Variants in PXDNL observed in about 807,000 individuals in gnomAD.
PXDNL encodes probable oxidoreductase PXDNL.
Under a neutral mutation model 150.8 loss-of-function variants are expected in PXDNL, and 145 were observed. The observed-to-expected ratio is 0.96, with a 90% confidence interval of 0.84 to 1.10. The LOEUF is 1.10. Ranked by LOEUF, PXDNL falls within the 50% of genes least tolerant of loss-of-function variation. PXDNL has a pLI of 0.00. For missense variants in PXDNL, 2,087 were observed against 1,873.9 expected (o/e 1.11, Z -2.10); for synonymous variants, 757 against 725.7 (o/e 1.04, Z -0.69).
intron 1 of PXDNL, among the ~76,000 whole-genome samples, chr8:51,789,982 C>T (rs58561048): frequency 0.12 from 17,828 of 151,880 alleles, 1,283 homozygotes; most frequent in East Asian, 0.17. Context: ...AAGTTTAAGC[C>T]ATCAATCTAA....
intron 1 of PXDNL, among the ~76,000 whole-genome samples, chr8:51,806,667 T>C (rs1481728478): frequency 1.3e-5 from 2 of 152,218 alleles, no homozygotes; most frequent in Non-Finnish European, 2.9e-5. Flanking sequence ...GTTGGGCTTG[T>C]ATATTTTTGC....
chr8:51,467,911 A>G (rs1324964997), intron 8 of PXDNL, among the ~76,000 whole-genome samples: 1 of 152,042 alleles, frequency 6.6e-6, no homozygotes, highest in Non-Finnish European at 1.5e-5. Context: ...AATTATTCTA[A>G]AACTACTTAT....
rs1403394609 is a variant in PXDNL, at chr8:51,413,188, G to GTCAA, written c.1862_1865dup (p.Ser623Ter). On this transcript the variant is annotated stop_gained and frameshift_variant, in exon 15 of 23. Coordinates refer to ENST00000356297, the MANE Select transcript of PXDNL (RefSeq NM_144651.5). LOFTEE classifies it high-confidence loss of function. ...GTCTTCGTGTGGAGTTAATTGCACT[G>GTCAA]TCAACTCTCTGTACAGCATCAAGAA... 6.2e-7 allele frequency: 1 copy of GTCAA among 1,610,998 alleles called. No individual in the cohort carries two copies.
At chr8:51,453,920 T>C (rs1160352051) in intron 9 of PXDNL, 135 bp from the exon 10 acceptor site, 12 of 754,132 alleles carry the variant, frequency 1.6e-5, no homozygotes, top group East Asian at 5.5e-5. Context: ...TATATATATA[T>C]ACACATTTAA....
chr8:51,324,822 A>AT (rs1805434947), intron 21 of PXDNL, among the ~76,000 whole-genome samples: 1 of 152,000 alleles, frequency 6.6e-6, no homozygotes, highest in Admixed American at 6.6e-5. Flanking sequence ...ATTTTCATCC[A>AT]TTTTTCATTT....
intron 1 of PXDNL, among the ~76,000 whole-genome samples, chr8:51,675,293 C>T (rs1455344853): frequency 6.6e-6 from 1 of 152,090 alleles, no homozygotes; most frequent in Non-Finnish European, 1.5e-5. Context: ...AGATTAAGGC[C>T]CTTATAAAAG....
chr8:51,344,549 A>G (rs1381997247), intron 20 of PXDNL, among the ~76,000 whole-genome samples: 3 of 152,192 alleles, frequency 2.0e-5, no homozygotes, highest in South Asian at 2.1e-4. Context: ...AAGGGCCCCA[A>G]TAAGAATTAA....
intron 4 of PXDNL, among the ~76,000 whole-genome samples, chr8:51,549,148 G>A (rs1382269854): frequency 6.6e-6 from 1 of 152,082 alleles, no homozygotes; most frequent in Non-Finnish European, 1.5e-5. Flanking sequence ...AAATACATAT[G>A]CACATAACAC....
At chr8:51,705,727 C>G (rs1816361679) in intron 1 of PXDNL, among the ~76,000 whole-genome samples, 1 of 151,994 alleles carries the variant, frequency 6.6e-6, no homozygotes, top group Non-Finnish European at 1.5e-5. Flanking sequence ...AATTGATTTC[C>G]TTCTTTAATG....
rs565568800 is a variant in PXDNL at position 51,665,278 on chromosome 8, A to G, written c.165-10518T>C. Among the ~76,000 whole-genome samples, 74 of 152,144 alleles carry G rather than the reference A, an allele frequency of 4.9e-4. 1 individual carries two copies. Among genetic ancestry groups the G allele is most frequent in the Admixed American group, 3.5e-3 (53 of 15,282 alleles). On this transcript the variant is annotated intron_variant, in intron 1 of 22. Transcript: ENST00000356297. ...GAACCCGCGGTGGGTCTCCCTGGACACCCCTGAGCCTGGCAGCTTGGACAG... is the reference window on the plus strand; with the variant it reads ...GAACCCGCGGTGGGTCTCCCTGGACGCCCCTGAGCCTGGCAGCTTGGACAG...
intron 17 of PXDNL, among the ~76,000 whole-genome samples, chr8:51,396,303 A>G (rs927231667): frequency 6.6e-6 from 1 of 152,216 alleles, no homozygotes; most frequent in African/African-American, 2.4e-5. Context: ...CAGGAACCAT[A>G]TGTGCTGCTG....
chr8:51,673,659 A>G (rs1024881147), intron 1 of PXDNL, among the ~76,000 whole-genome samples: 4 of 152,212 alleles, frequency 2.6e-5, no homozygotes, highest in Non-Finnish European at 4.4e-5. Context: ...AAAATCAATT[A>G]ACAGATGTTT....
chr8:51,327,765 C>T (rs983101648), intron 21 of PXDNL, among the ~76,000 whole-genome samples: 9 of 152,180 alleles, frequency 5.9e-5, no homozygotes, highest in African/African-American at 2.2e-4. Context: ...ATGTGGCAAG[C>T]TTGTAAATCA....
intron 1 of PXDNL, among the ~76,000 whole-genome samples, chr8:51,688,429 A>G (rs1372747017): frequency 6.6e-6 from 1 of 152,212 alleles, no homozygotes; most frequent in Non-Finnish European, 1.5e-5. Flanking sequence ...ACTGCAGAAC[A>G]GAAAGTGAGG....
chr8:51,439,444 T>C (rs1277780480), intron 12 of PXDNL, among the ~76,000 whole-genome samples: 2 of 152,178 alleles, frequency 1.3e-5, no homozygotes, highest in Non-Finnish European at 2.9e-5. Flanking sequence ...GGCATGGATA[T>C]AGTGGAAAGG....
At chr8:51,475,353 T>C (rs1281681822) in intron 6 of PXDNL, among the ~76,000 whole-genome samples, 1 of 152,252 alleles carries the variant, frequency 6.6e-6, no homozygotes, top group African/African-American at 2.4e-5. Flanking sequence ...TAACCATGTT[T>C]TTGAGAAGCC....
At chr8:51,729,988 T>C (rs574512895) in intron 1 of PXDNL, among the ~76,000 whole-genome samples, 1 of 152,172 alleles carries the variant, frequency 6.6e-6, no homozygotes, top group African/African-American at 2.4e-5. Flanking sequence ...GGGGGAAGGA[T>C]AGGTGGAGCA....
chr8:51,801,159 TC>T (rs2037615041), intron 1 of PXDNL, among the ~76,000 whole-genome samples: 1 of 151,826 alleles, frequency 6.6e-6, no homozygotes, highest in Non-Finnish European at 1.5e-5. Context: ...TGGGGGGAGG[TC>T]TATAAACAGC....
intron 12 of PXDNL, chr8:51,435,785 A>G: frequency 2.4e-6 from 1 of 413,230 alleles, no homozygotes; most frequent in South Asian, 2.1e-5. Context: ...CAAGGAATGG[A>G]TTTTCATCTT....
Sources: allele counts gnomAD v4.1 joint callset (sites outside exome capture counted in the v4.1 genomes callset), GRCh38; gene constraint gnomAD v4.1.1; transcripts MANE v1.5; gene names NCBI Gene and HGNC (gene_info 2026-07-23, HGNC 2026-07-21).